The following DNAH5 variants were observed in gnomAD, a reference collection of about 807,000 sequenced individuals.
The protein encoded by DNAH5 is dynein axonemal heavy chain 5.
In DNAH5, 372 loss-of-function variants were observed where a neutral mutation model predicts 518.2. That is an observed-to-expected ratio of 0.72 (90% CI 0.66 to 0.78). The LOEUF (loss-of-function observed/expected upper bound fraction) is 0.78. Ranked by LOEUF, DNAH5 falls within the 30% of genes least tolerant of loss-of-function variation. DNAH5 has a pLI of 0.00. For missense variants in DNAH5, 5,523 were observed against 5,687.0 expected, an observed-to-expected ratio of 0.97 and a Z score of 0.93; for synonymous variants, 2,039 against 2,025.9, an observed-to-expected ratio of 1.01 and a Z score of -0.17.
intron 76 of DNAH5, among the ~76,000 whole-genome samples, chr5:13,702,838 G>A (rs16902699): frequency 0.03 from 4,621 of 152,044 alleles, 219 homozygotes; most frequent in African/African-American, 0.098. Context: ...GCTGAAGCCC[G>A]GGATGACATA....
At chr5:13,735,785 G>C (rs757165182) in intron 67 of DNAH5, 33 bp downstream of exon 67, 2 of 1,490,232 alleles carry the variant, frequency 1.3e-6, no homozygotes, top group Non-Finnish European at 9.4e-7. Flanking sequence ...CACAGATATA[G>C]AATTCAGCTT....
In DNAH5 at chr5:13,830,658, G is replaced by A. The variant is rs773208371; in HGVS notation, c.6000C>T (p.Tyr2000=). The change falls in exon 36 of 79, where the codon TAC becomes TAT. Residue 2000 remains tyrosine, a synonymous_variant. Transcript: ENST00000265104. ...TKDMGRCLGK[Y]VVVFNCSDQM... ...GGTCTGAACAATTGAAAACCACGAC[G>A]TATTTCCCGAGGCATCGTCCCATGT... The A allele has an allele frequency of 4.3e-6, 7 of 1,614,164 alleles. No homozygotes were observed. Among genetic ancestry groups the A allele is most frequent in the East Asian group, 2.2e-5 (1 of 44,884 alleles).
chr5:13,795,413 T>C lies in DNAH5; in HGVS notation c.7888-1355A>G, dbSNP rs932362538. On this transcript the variant is annotated intron_variant, in intron 47 of 78. Coordinates refer to ENST00000265104, the MANE Select transcript of DNAH5 (RefSeq NM_001369.3). ...AATAAAAACTACCATCAGAGAATAC[T>C]ATAAACACCTCTACACAAATAAACT... Among the ~76,000 whole-genome samples the C allele has an allele frequency of 7.9e-5, 12 of 152,266 alleles. No homozygotes were observed. The East Asian group carries it at 1.9e-3, about 24-fold the overall frequency.
In DNAH5 at chr5:13,691,710, ATAC is replaced by A. The variant is rs1338823473; in HGVS notation, c.*271_*273del. Reference sequence around the variant, plus strand: ...CTTCGGAGCGAAGTAAGAAGAAAATATACTACTGTGGATTTGAGGGCCACACTT... The same window carrying A: ...CTTCGGAGCGAAGTAAGAAGAAAATATACTGTGGATTTGAGGGCCACACTT... On this transcript the variant is annotated 3_prime_UTR_variant, in exon 79 of 79. Coordinates refer to ENST00000265104, the MANE Select transcript of DNAH5 (RefSeq NM_001369.3). 2 of 437,498 alleles carry A rather than the reference ATAC, an allele frequency of 4.6e-6. No individual in the cohort carries two copies. Among genetic ancestry groups the A allele is most frequent in the African/African-American group, 4.0e-5 (2 of 49,986 alleles). The allele number at this position is 437,498 out of a possible 1,614,324, so 27.1% of individuals were successfully genotyped here.
intron 9 of DNAH5, among the ~76,000 whole-genome samples, chr5:13,916,001 G>T: frequency 6.6e-6 from 1 of 152,110 alleles, no homozygotes; most frequent in South Asian, 2.1e-4. Context: ...TGAAACAGGA[G>T]ATAGCCAGTT....
chr5:13,951,696 C>G (rs1478662781), intron 1 of DNAH5, among the ~76,000 whole-genome samples: 1 of 152,202 alleles, frequency 6.6e-6, no homozygotes, highest in Non-Finnish European at 1.5e-5. Flanking sequence ...TGTGCTTGCT[C>G]TGTCCCATCA....
intron 54 of DNAH5, 123 bp downstream of exon 54, chr5:13,777,079 T>G (rs1754201835): frequency 2.2e-6 from 2 of 929,204 alleles, no homozygotes; most frequent in Non-Finnish European, 3.3e-6. Flanking sequence ...TCCTTCATAC[T>G]GATCACTTAA....
At chr5:14,001,253 C>A (rs182419179) in intron 1 of DNAH5, among the ~76,000 whole-genome samples, 11 of 152,304 alleles carry the variant, frequency 7.2e-5, no homozygotes, top group Non-Finnish European at 1.3e-4. Flanking sequence ...ACACAATATA[C>A]CTCTGTGACA....
chr5:13,826,953 T>G (rs1359455825), intron 38 of DNAH5, among the ~76,000 whole-genome samples: 1 of 152,196 alleles, frequency 6.6e-6, no homozygotes, highest in African/African-American at 2.4e-5. Flanking sequence ...GTTGAATGGC[T>G]TTGAGCAAAA....
rs1758243623 is a variant in DNAH5, at chr5:13,798,741, TTTATTTA to T, written c.7888-4690_7888-4684del. Among the ~76,000 whole-genome samples, 57 of 23,916 alleles carry T rather than the reference TTTATTTA, an allele frequency of 2.4e-3. 1 individual carries two copies. The highest frequency in any genetic ancestry group is 0.012 in the African/African-American group (48 of 4,106). The allele number at this position is 23,916 out of a possible 152,430, so 15.7% of individuals were successfully genotyped here. A position where few individuals can be genotyped will look rare whatever the true frequency, so the allele number is the denominator to read the frequency against. ...ACATTTTCATCATGATTTTATTTAT[TTTATTTA>T]TTTATTTATTTATTTATTTATTTAT... is the stretch of plus-strand genomic sequence containing the variant. On this transcript the variant is annotated intron_variant, in intron 47 of 78. Transcript: ENST00000265104.
intron 72 of DNAH5, among the ~76,000 whole-genome samples, 157 bp downstream of exon 72, chr5:13,718,725 G>A (rs553000729): frequency 6.6e-6 from 1 of 152,246 alleles, no homozygotes; most frequent in African/African-American, 2.4e-5. Context: ...TCACACTGCC[G>A]GGACATATTC....
chr5:13,918,728 A>T (rs945673919), intron 7 of DNAH5, among the ~76,000 whole-genome samples: 2 of 152,278 alleles, frequency 1.3e-5, no homozygotes, highest in African/African-American at 2.4e-5. Context: ...TCGGCATCCC[A>T]AAGTGCTGGG....
At position 13,701,414 on chromosome 5, in the gene DNAH5, A is replaced by G; in HGVS notation, c.13361T>C (p.Leu4454Pro). The change falls in exon 77 of 79, where the codon CTG (leucine) becomes CCG (proline). Residue 4454 changes from leucine to proline, a missense_variant. Leu to Pro is a moderately conservative substitution (Grantham distance 98). Around this residue, in one of 3 missense-constraint regions of DNAH5, gnomAD observed 387 missense variants for 430.0 expected, o/e 0.90. Transcript: ENST00000265104. ...TATAAGTTCAGTAAACCAGAAACCC[A>G]GTGTACTAGAAATCCAAGAAGCCTG... Reference protein sequence around the residue: ...WKKASWISSTLGFWFTELIER... With the variant: ...WKKASWISSTPGFWFTELIER... 6.2e-7 allele frequency: 1 copy of G among 1,613,498 alleles called. No homozygotes were observed. Among genetic ancestry groups the G allele is most frequent in the Non-Finnish European group, 8.5e-7 (1 of 1,179,382 alleles).
intron 43 of DNAH5, among the ~76,000 whole-genome samples, chr5:13,813,631 G>A (rs1250406235): frequency 1.3e-5 from 2 of 152,162 alleles, no homozygotes; most frequent in East Asian, 3.9e-4. Context: ...ATCTAATTGT[G>A]AAATCTGAAA....
At position 13,913,843 on chromosome 5, in the gene DNAH5, C is replaced by A; in HGVS notation, c.1436G>T (p.Arg479Leu). 1 of 1,613,530 alleles carries A rather than the reference C, an allele frequency of 6.2e-7. No homozygotes were observed. Among genetic ancestry groups the A allele is most frequent in the South Asian group, 1.1e-5 (1 of 91,060 alleles). ...IFGKFETFHR[R>L]LAKIIDIFTT... ...AAAGATGTCTATTATCTTGGCAAGG[C>A]GTCGGTGAAAAGTTTCGAATTTTCC... Residue 479 changes from arginine to leucine, a missense_variant, in exon 11 of 79, where the codon CGC becomes CTC. Transcript: ENST00000265104.
At chr5:13,997,905 G>A (rs964395846) in intron 1 of DNAH5, among the ~76,000 whole-genome samples, 3 of 151,156 alleles carry the variant, frequency 2.0e-5, no homozygotes, top group South Asian at 2.1e-4. Context: ...GTGCCATGGC[G>A]TGATCTCGGC....
intron 67 of DNAH5, 47 bp downstream of exon 67, chr5:13,735,771 A>C: frequency 2.7e-5 from 35 of 1,304,402 alleles, no homozygotes; most frequent in Non-Finnish European, 3.3e-5. Context: ...TCATCATTTT[A>C]GTGCACAGAT....
chr5:13,811,536 A>G, intron 44 of DNAH5, 111 bp downstream of exon 44: 2 of 1,049,368 alleles, frequency 1.9e-6, no homozygotes, highest in Non-Finnish European at 2.9e-6. Flanking sequence ...TTTCAAATAT[A>G]GTACTCTCTG....
chr5:13,987,922 T>C (rs1030607747), intron 1 of DNAH5, among the ~76,000 whole-genome samples: 1 of 151,368 alleles, frequency 6.6e-6, no homozygotes, highest in Non-Finnish European at 1.5e-5. Context: ...CTTTTGCCTG[T>C]AGAAAAAAAA....
Sources: allele counts gnomAD v4.1 joint callset (sites outside exome capture counted in the v4.1 genomes callset), GRCh38; gene constraint gnomAD v4.1.1; regional missense constraint gnomAD v4.1.1; transcripts MANE v1.5; gene names NCBI Gene and HGNC (gene_info 2026-07-23, HGNC 2026-07-21).